DYM: variants seen among roughly 807,000 people sequenced by gnomAD.
DYM encodes dyggve-Melchior-Clausen syndrome protein.
DYM carries 78 observed loss-of-function variants against 93.1 expected under a neutral mutation model. The ratio of observed to expected loss-of-function variants is 0.84; its 90% CI spans 0.70 to 1.01. The LOEUF is 1.01. Ranked by LOEUF, DYM falls within the 50% of genes least tolerant of loss-of-function variation. The pLI, the probability that DYM is intolerant of heterozygous loss-of-function variation, is 0.00. For missense variants in DYM, 789 were observed against 845.0 expected (o/e 0.93, Z 0.82); for synonymous variants, 321 against 319.7 (o/e 1.00, Z -0.04).
intron 1 of DYM, among the ~76,000 whole-genome samples, chr18:49,432,522 G>T (rs1005937999): frequency 3.4e-5 from 5 of 148,518 alleles, no homozygotes; most frequent in Admixed American, 1.3e-4. Flanking sequence ...TAATAGATAT[G>T]GTATGCTTTC....
intron 13 of DYM, among the ~76,000 whole-genome samples, chr18:49,244,136 G>C (rs1290921247): frequency 1.3e-5 from 2 of 152,092 alleles, no homozygotes; most frequent in Non-Finnish European, 2.9e-5. Context: ...GAAGGCAAAA[G>C]TTTTGTCATC....
chr18:49,101,251 CTT>C (rs2080106770), intron 16 of DYM, among the ~76,000 whole-genome samples: 1 of 152,176 alleles, frequency 6.6e-6, no homozygotes. Context: ...GGGATGAATG[CTT>C]TGTCAGTGTA....
At chr18:49,201,246 G>A (rs1454921904) in intron 14 of DYM, among the ~76,000 whole-genome samples, 4 of 152,032 alleles carry the variant, frequency 2.6e-5, no homozygotes, top group South Asian at 4.2e-4. Context: ...TAATAACACA[G>A]TTCCTACTAA....
intron 1 of DYM, among the ~76,000 whole-genome samples, chr18:49,438,048 G>A (rs747468218): frequency 2.0e-5 from 3 of 152,112 alleles, no homozygotes; most frequent in South Asian, 4.1e-4. Context: ...CTAGCTGGGC[G>A]TGGTGGCACA....
chr18:49,242,387 G>C (rs1485923135), intron 13 of DYM, among the ~76,000 whole-genome samples: 1 of 152,184 alleles, frequency 6.6e-6, no homozygotes, highest in South Asian at 2.1e-4. Context: ...ACTCCAGCCT[G>C]TGTGACAGAG....
chr18:49,378,646 C>G lies in DYM; in HGVS notation c.342G>C (p.Leu114=), dbSNP rs35357262. ...CTGACATCTGACAGATGAACACTTT[C>G]AGCAAACAGCAAATAATAAACAAAG... ...HNALFIICCL[L]KVFICQMSEE... is the part of the protein sequence containing the mutation. Residue 114 remains leucine, a synonymous_variant, in exon 5 of 18, where the codon CTG becomes CTC. Transcript: ENST00000675505. 1 of 1,613,362 alleles carries G rather than the reference C, an allele frequency of 6.2e-7. No homozygotes were observed. The highest frequency in any genetic ancestry group is 8.5e-7 in the Non-Finnish European group (1 of 1,179,596).
intron 14 of DYM, among the ~76,000 whole-genome samples, chr18:49,194,677 T>A (rs1360602572): frequency 6.6e-6 from 1 of 152,112 alleles, no homozygotes; most frequent in East Asian, 1.9e-4. Flanking sequence ...TAAAATTTAT[T>A]CTGGGTGGGG....
chr18:49,093,746 G>T (rs1363792716), intron 17 of DYM, among the ~76,000 whole-genome samples: 1 of 152,152 alleles, frequency 6.6e-6, no homozygotes, highest in Non-Finnish European at 1.5e-5. Context: ...TCCCAGTACA[G>T]CACTCAGGAA....
At chr18:49,215,790 AC>A (rs1446116274) in intron 13 of DYM, among the ~76,000 whole-genome samples, 2 of 152,254 alleles carry the variant, frequency 1.3e-5, no homozygotes, top group Admixed American at 6.5e-5. Flanking sequence ...CCGAATAGGA[AC>A]AGCTCCGGTC....
chr18:49,071,330 CAT>C, intron 17 of DYM, among the ~76,000 whole-genome samples: 1 of 152,188 alleles, frequency 6.6e-6, no homozygotes, highest in Admixed American at 6.5e-5. Flanking sequence ...TTGCAGTACA[CAT>C]GTTAAACTGA....
At chr18:49,221,742 T>C (rs2093366731) in intron 13 of DYM, among the ~76,000 whole-genome samples, 1 of 151,704 alleles carries the variant, frequency 6.6e-6, no homozygotes, top group Admixed American at 6.6e-5. Context: ...AACATCACAC[T>C]CTGGGGACTG....
In DYM at chr18:49,204,537, T is replaced by C. The variant is rs553329914; in HGVS notation, c.1625+5014A>G. The stretch of plus-strand genomic sequence containing the variant: ...CTTCACAGATTTCTCACCAAACTTA[T>C]TCACTACTCCACCCTGAAACCTAAG... On this transcript the variant is annotated intron_variant, in intron 14 of 17. Transcript: ENST00000675505. Among the ~76,000 whole-genome samples the C allele has an allele frequency of 3.3e-5, 5 of 152,338 alleles. No individual in the cohort carries two copies. In the East Asian group the frequency reaches 5.8e-4, roughly 18 times the overall value.
intron 8 of DYM, among the ~76,000 whole-genome samples, chr18:49,312,855 G>C (rs2061683713): frequency 6.6e-6 from 1 of 152,094 alleles, no homozygotes; most frequent in African/African-American, 2.4e-5. Context: ...TGGAAGGTAG[G>C]TTTTCTGAGA....
intron 14 of DYM, among the ~76,000 whole-genome samples, chr18:49,204,734 G>A (rs571980755): frequency 6.6e-6 from 1 of 152,254 alleles, no homozygotes; most frequent in East Asian, 1.9e-4. Context: ...ACTCGCTACT[G>A]AAGTGCACAC....
At chr18:49,112,626 T>C (rs2081525014) in intron 16 of DYM, among the ~76,000 whole-genome samples, 1 of 152,216 alleles carries the variant, frequency 6.6e-6, no homozygotes, top group Non-Finnish European at 1.5e-5. Context: ...TAGCTTTCTA[T>C]ATCCTAAGCA....
At chr18:49,148,182 G>C (rs539637124) in intron 15 of DYM, among the ~76,000 whole-genome samples, 2 of 152,048 alleles carry the variant, frequency 1.3e-5, no homozygotes, top group African/African-American at 2.4e-5. Context: ...ATCACACACC[G>C]GGGCCTGTTG....
chr18:49,258,715 A>C (rs1434446117), intron 11 of DYM, among the ~76,000 whole-genome samples: 2 of 151,630 alleles, frequency 1.3e-5, no homozygotes, highest in Non-Finnish European at 2.9e-5. Flanking sequence ...CTCCGGGCCT[A>C]AGTAAGCAAG....
At chr18:49,427,344 G>C (rs2074385038) in intron 2 of DYM, among the ~76,000 whole-genome samples, 2 of 152,078 alleles carry the variant, frequency 1.3e-5, no homozygotes, top group African/African-American at 4.8e-5. Context: ...AAAATGACAT[G>C]AAGGGAAAAA....
At chr18:49,270,996 G>A (rs947606924) in intron 11 of DYM, among the ~76,000 whole-genome samples, 1 of 152,038 alleles carries the variant, frequency 6.6e-6, no homozygotes, top group African/African-American at 2.4e-5. Context: ...CAGTCCCAGA[G>A]AAAGAGACTA....
Sources: allele counts gnomAD v4.1 joint callset (sites outside exome capture counted in the v4.1 genomes callset), GRCh38; gene constraint gnomAD v4.1.1; transcripts MANE v1.5; gene names NCBI Gene and HGNC (gene_info 2026-07-23, HGNC 2026-07-21).